Variants in ASCC1 observed in about 807,000 individuals in gnomAD.
The protein encoded by ASCC1 is ASC-1 complex subunit P50.
Under a neutral mutation model 46.6 loss-of-function variants are expected in ASCC1, and 35 were observed. The observed-to-expected ratio is 0.75, with a 90% CI of 0.57 to 0.99. The LOEUF (loss-of-function observed/expected upper bound fraction) is 0.99, where lower values mean the gene tolerates loss of function less well. Among genes scored for constraint, ASCC1 ranks in the 50% least tolerant of loss-of-function variants. The pLI, the probability that ASCC1 is intolerant of heterozygous loss-of-function variation, is 0.00. For synonymous variants in ASCC1, 143 were observed against 146.6 expected (o/e 0.98, Z 0.18); for missense variants, 376 against 428.7 (o/e 0.88, Z 1.09).
chr10:72,115,601 T>C (rs919563646), intron 9 of ASCC1, among the ~76,000 whole-genome samples: 6 of 152,162 alleles, frequency 3.9e-5, no homozygotes, highest in East Asian at 1.9e-4. Flanking sequence ...AAGAAAGCAT[T>C]TGAAGGAGAA....
intron 9 of ASCC1, chr10:72,103,046 A>G: frequency 2.5e-6 from 1 of 404,686 alleles, no homozygotes; most frequent in Non-Finnish European, 4.8e-6. Flanking sequence ...AATAAAGATG[A>G]CAACAGCCAA....
chr10:72,156,303 G>A (rs774482841), intron 6 of ASCC1, among the ~76,000 whole-genome samples: 8 of 152,138 alleles, frequency 5.3e-5, no homozygotes, highest in East Asian at 1.9e-4. Context: ...GAGGCCTCCC[G>A]AGAAGCCGAG....
intron 8 of ASCC1, among the ~76,000 whole-genome samples, chr10:72,128,713 A>AG (rs1327961990): frequency 1.3e-5 from 2 of 152,228 alleles, no homozygotes; most frequent in African/African-American, 4.8e-5. Context: ...GAATGCAGCA[A>AG]ATCTATGACC....
intron 7 of ASCC1, among the ~76,000 whole-genome samples, chr10:72,150,142 A>C: frequency 6.6e-6 from 1 of 151,844 alleles, no homozygotes; most frequent in Non-Finnish European, 1.5e-5. Context: ...CTGAGATCAC[A>C]CCACTGCACT....
chr10:72,150,850 C>A (rs1355208461), intron 7 of ASCC1, among the ~76,000 whole-genome samples: 1 of 152,182 alleles, frequency 6.6e-6, no homozygotes, highest in Non-Finnish European at 1.5e-5. Context: ...AAAAAATGCT[C>A]ATCATCACTG....
intron 9 of ASCC1, 35 bp downstream of exon 9, chr10:72,128,047 C>A (rs757864953): frequency 6.5e-7 from 1 of 1,527,862 alleles, no homozygotes; most frequent in East Asian, 2.3e-5. Flanking sequence ...GGACATGTGC[C>A]AAAGGATTTC....
intron 5 of ASCC1, among the ~76,000 whole-genome samples, chr10:72,181,675 G>T (rs1360817755): frequency 1.3e-5 from 2 of 151,416 alleles, no homozygotes; most frequent in African/African-American, 4.9e-5. Flanking sequence ...TCAGTAACTT[G>T]TGCACCAATA....
chr10:72,190,552 T>A, intron 5 of ASCC1: 1 of 1,446,394 alleles, frequency 6.9e-7, no homozygotes, highest in South Asian at 1.2e-5. Flanking sequence ...GGCGCAATAC[T>A]CTCCAGCTCC....
chr10:72,140,018 C>G (rs1846770844), intron 7 of ASCC1, among the ~76,000 whole-genome samples: 1 of 151,980 alleles, frequency 6.6e-6, no homozygotes, highest in Admixed American at 6.6e-5. Context: ...GGGGTTAGGA[C>G]CAGTATAGGT....
In ASCC1 at chr10:72,152,566, C is replaced by T. The variant is rs186153327; in HGVS notation, c.746+303G>A. On this transcript the variant is annotated intron_variant, in intron 7 of 9. Coordinates refer to ENST00000672957, the MANE Select transcript of ASCC1 (RefSeq NM_001198800.3). ...TACCACATTAGCCTGGTGCAGGGTG[C>T]GCGCCTATAGTCCCAGCTACTTGAG... is the stretch of plus-strand genomic sequence containing the variant. Among the ~76,000 whole-genome samples the T allele has an allele frequency of 1.6e-4, 24 of 152,218 alleles. 1 individual carries two copies. In the Middle Eastern group the frequency reaches 0.01, roughly 65 times the overall value.
At chr10:72,131,439 T>TAC (rs71927487) in intron 8 of ASCC1, among the ~76,000 whole-genome samples, 2,337 of 139,390 alleles carry the variant, frequency 0.017, 39 homozygotes, top group African/African-American at 0.043. Flanking sequence ...AAAATAAAAA[T>TAC]ACACACACAC....
chr10:72,103,918 C>T (rs1842070489), intron 9 of ASCC1, among the ~76,000 whole-genome samples: 1 of 152,164 alleles, frequency 6.6e-6, no homozygotes, highest in African/African-American at 2.4e-5. Context: ...ATCAAACCTA[C>T]TTATAAAAAT....
intron 9 of ASCC1, among the ~76,000 whole-genome samples, chr10:72,126,617 C>A (rs1249128580): frequency 1.3e-5 from 2 of 152,168 alleles, no homozygotes; most frequent in African/African-American, 2.4e-5. Context: ...TCCATGAAAA[C>A]CCAGTTGGCT....
intron 4 of ASCC1, chr10:72,198,734 G>C: frequency 2.2e-6 from 1 of 455,092 alleles, no homozygotes; most frequent in South Asian, 1.6e-5. Flanking sequence ...CTGCAGACTT[G>C]ACTTCACATC....
chr10:72,190,982 C>T (rs1854366038), intron 5 of ASCC1, among the ~76,000 whole-genome samples: 1 of 105,348 alleles, frequency 9.5e-6, no homozygotes, highest in South Asian at 3.2e-4. Flanking sequence ...GGCGACAGAG[C>T]GAGACGCCGT....
intron 5 of ASCC1, among the ~76,000 whole-genome samples, chr10:72,188,221 C>T (rs1038389608): frequency 6.7e-6 from 1 of 148,724 alleles, no homozygotes; most frequent in Non-Finnish European, 1.5e-5. Flanking sequence ...TGGGTTCAAG[C>T]GATTCTCCTG....
intron 7 of ASCC1, among the ~76,000 whole-genome samples, chr10:72,138,600 C>CTTTTTTTTTTTTTTTTTTT (rs1011535460): frequency 2.1e-3 from 220 of 104,462 alleles, no homozygotes; most frequent in Non-Finnish European, 3.0e-3. Context: ...TTCTTTCTTT[C>CTTTTTTTTTTTTTTTTTTT]TTTTTTTTTT....
intron 2 of ASCC1, 141 bp downstream of exon 2, chr10:72,213,046 T>A: frequency 1.5e-6 from 1 of 667,004 alleles, no homozygotes; most frequent in East Asian, 2.9e-5. Context: ...CCCTTAGACA[T>A]GAACATAAAT....
chr10:72,130,981 T>C (rs1845516038), intron 8 of ASCC1, among the ~76,000 whole-genome samples: 2 of 152,248 alleles, frequency 1.3e-5, no homozygotes, highest in Admixed American at 1.3e-4. Flanking sequence ...ATTCTCAATT[T>C]GTTTTCCAAA....
Sources: gnomAD v4.1 joint callset for allele counts (sites outside exome capture counted in the v4.1 genomes callset) on GRCh38, gnomAD v4.1.1 for gene constraint, MANE v1.5 for transcripts, NCBI Gene and HGNC (gene_info 2026-07-23, HGNC 2026-07-21) for gene names.